Variants in RFX7 observed in about 807,000 individuals in gnomAD.
RFX7 encodes regulatory factor X7.
Under a neutral mutation model 111.8 loss-of-function variants are expected in RFX7, and 26 were observed. The observed-to-expected ratio is 0.23, with a 90% CI of 0.17 to 0.32. The LOEUF is 0.32. Ranked by LOEUF, RFX7 falls within the 10% of genes least tolerant of loss-of-function variation. The pLI is 1.00. For synonymous variants in RFX7, 624 were observed against 624.4 expected (o/e 1.00, Z 0.01); for missense variants, 1,573 against 1,772.9 (o/e 0.89, Z 2.02).
chr15:56,087,596 A>G lies in RFX7; in HGVS notation c.*5749T>C. The G allele has an allele frequency of 2.2e-6, 1 of 456,078 alleles. No individual in the cohort carries two copies. The highest frequency in any genetic ancestry group is 7.0e-5 in the East Asian group (1 of 14,388). 28.3% of individuals were successfully genotyped at this position (456,078 alleles called of 1,614,324 possible). ...CCACTTAACTGCAAGGGAAGTTGGC[A>G]GATGCAGCCTTTTGGTCAGATGGCT... is the stretch of plus-strand genomic sequence containing the variant. On this transcript the variant is annotated 3_prime_UTR_variant, in exon 10 of 10. Transcript: ENST00000559447.
rs1320559098 is a variant in RFX7, at chr15:56,094,513, A to C, written c.3215T>G (p.Val1072Gly). 1 of 1,613,532 alleles carries C rather than the reference A, an allele frequency of 6.2e-7. No individual in the cohort carries two copies. Among genetic ancestry groups the C allele is most frequent in the Admixed American group, 1.7e-5 (1 of 59,966 alleles). ...ATGGCCAGAAACTGATGAATTACCA[A>C]CCCCACTATACCCATTATTCATCCA... ...LEWMNNGYSG[V>G]GNSSVSGHGI... Residue 1072 changes from valine to glycine, a missense_variant, in exon 10 of 10, where the codon GTT (valine) becomes GGT (glycine). This residue lies in a region of RFX7 where 411 missense variants were observed against 478.1 expected (regional missense o/e 0.86). Coordinates refer to ENST00000559447, the MANE Select transcript of RFX7 (RefSeq NM_022841.7).
intron 2 of RFX7, among the ~76,000 whole-genome samples, chr15:56,181,167 T>A (rs2042967585): frequency 6.6e-6 from 1 of 152,246 alleles, no homozygotes; most frequent in African/African-American, 2.4e-5. Flanking sequence ...AATCTCATAC[T>A]AGTCTATTCT....
At chr15:56,109,976 C>T (rs1330094676) in intron 5 of RFX7, among the ~76,000 whole-genome samples, 4 of 140,966 alleles carry the variant, frequency 2.8e-5, no homozygotes, top group South Asian at 2.3e-4. Flanking sequence ...GGGGATCAGC[C>T]CCCTGCCCGG....
At chr15:56,212,120 G>C (rs1439924803) in intron 2 of RFX7, among the ~76,000 whole-genome samples, 1 of 152,156 alleles carries the variant, frequency 6.6e-6, no homozygotes, top group Non-Finnish European at 1.5e-5. Flanking sequence ...GTCATCGGTA[G>C]GTGAATGGAT....
In RFX7 at chr15:56,217,654, T is replaced by C. The variant is rs148314378; in HGVS notation, c.161+25471A>G. ...GTTTTAACTTATGAGTCAGTATCCA[T>C]ACAACTTGAGTACTAGTTATGAAGT... On this transcript the variant is annotated intron_variant, in intron 2 of 9. Transcript: ENST00000559447. Among the ~76,000 whole-genome samples, 275 of 152,358 alleles carry C rather than the reference T, an allele frequency of 1.8e-3. 1 individual carries two copies. In the Middle Eastern group the frequency reaches 0.024, roughly 13 times the overall value.
At chr15:56,172,527 G>T (rs2042856358) in intron 3 of RFX7, among the ~76,000 whole-genome samples, 1 of 152,138 alleles carries the variant, frequency 6.6e-6, no homozygotes, top group Admixed American at 6.6e-5. Flanking sequence ...GGCAGAGAGA[G>T]ATCAGCATTC....
chr15:56,233,404 T>C (rs2043589753), intron 2 of RFX7, among the ~76,000 whole-genome samples: 1 of 152,146 alleles, frequency 6.6e-6, no homozygotes, highest in South Asian at 2.1e-4. Context: ...ACCAGGTCCC[T>C]CTCACAACAG....
intron 5 of RFX7, among the ~76,000 whole-genome samples, chr15:56,140,595 G>C (rs2042378834): frequency 6.6e-6 from 1 of 152,164 alleles, no homozygotes; most frequent in African/African-American, 2.4e-5. Flanking sequence ...TCAGGCCGGA[G>C]CTGTTCCTAT....
intron 9 of RFX7, among the ~76,000 whole-genome samples, chr15:56,097,771 A>AAAAAAAAAAAAAAC (rs1567005692): frequency 2.7e-5 from 4 of 149,280 alleles, no homozygotes; most frequent in Non-Finnish European, 6.0e-5. Flanking sequence ...AAAAAAAAAA[A>AAAAAAAAAAAAAAC]TCTTGGCTCA....
chr15:56,231,293 T>C (rs1433408359), intron 2 of RFX7, among the ~76,000 whole-genome samples: 1 of 152,202 alleles, frequency 6.6e-6, no homozygotes, highest in Non-Finnish European at 1.5e-5. Flanking sequence ...TTCATGCTGC[T>C]GTTAAAGACA....
chr15:56,120,269 G>A (rs1461798429), intron 5 of RFX7, among the ~76,000 whole-genome samples: 1 of 152,102 alleles, frequency 6.6e-6, no homozygotes, highest in African/African-American at 2.4e-5. Context: ...ATTGTAAATA[G>A]GATTACTTTC....
chr15:56,162,563 C>A (rs1468338680), intron 3 of RFX7, among the ~76,000 whole-genome samples: 3 of 151,642 alleles, frequency 2.0e-5, no homozygotes, highest in African/African-American at 7.3e-5. Flanking sequence ...TGTTTATAAT[C>A]ATGAAACACA....
chr15:56,140,067 T>C (rs1179392736), intron 5 of RFX7, among the ~76,000 whole-genome samples: 1 of 152,092 alleles, frequency 6.6e-6, no homozygotes, highest in Non-Finnish European at 1.5e-5. Context: ...TGCTGTCTTT[T>C]TGTTTGTCTG....
At chr15:56,159,268 G>A (rs150928485) in intron 3 of RFX7, among the ~76,000 whole-genome samples, 50 of 152,278 alleles carry the variant, frequency 3.3e-4, no homozygotes, top group African/African-American at 9.4e-4. Flanking sequence ...GGTCGCTTCT[G>A]TATCTTAGGT....
Position 56,096,445 on chromosome 15 carries a change from C to T in RFX7, c.1283G>A (p.Arg428His), listed in dbSNP as rs1315506077. Residue 428 changes from arginine (R) to histidine (H), a missense_variant, in exon 10 of 10, where the codon CGT becomes CAT. By Grantham distance (29) the Arg-to-His change is conservative. This residue lies in a region of RFX7 where 288 missense variants were observed against 337.9 expected (regional missense o/e 0.85). Transcript: ENST00000559447. ...TGGTTTGGGTAAGATCTGAGGGTAA[C>T]GGTGCCGGGCAGAACGATCCCCACC... The part of the protein sequence containing the change: ...SPGGDRSARH[R>H]YPQILPKPAN... 9 of 1,613,000 alleles carry T rather than the reference C, an allele frequency of 5.6e-6. No individual in the cohort carries two copies. The highest frequency in any genetic ancestry group is 1.7e-5 in the Admixed American group (1 of 59,860).
intron 2 of RFX7, among the ~76,000 whole-genome samples, chr15:56,229,604 G>C (rs947092888): frequency 1.3e-5 from 2 of 152,160 alleles, no homozygotes; most frequent in African/African-American, 4.8e-5. Context: ...TAGAGAATGA[G>C]AATCTCCCGG....
At chr15:56,162,558 A>G (rs1320954843) in intron 3 of RFX7, among the ~76,000 whole-genome samples, 1 of 152,068 alleles carries the variant, frequency 6.6e-6, no homozygotes, top group Non-Finnish European at 1.5e-5. Context: ...AGCATTGTTT[A>G]TAATCATGAA....
chr15:56,169,937 C>T (rs1316535783), intron 3 of RFX7, among the ~76,000 whole-genome samples: 1 of 151,920 alleles, frequency 6.6e-6, no homozygotes, highest in African/African-American at 2.4e-5. Context: ...AAGTTCTTCC[C>T]TTCTAAAGGA....
intron 5 of RFX7, among the ~76,000 whole-genome samples, chr15:56,136,407 GCTCT>G (rs1389311472): frequency 4.8e-5 from 7 of 146,214 alleles, no homozygotes; most frequent in East Asian, 2.0e-4. Flanking sequence ...TCAGGATTTG[GCTCT>G]CTGTTTGTCT....
Sources: allele counts gnomAD v4.1 joint callset (sites outside exome capture counted in the v4.1 genomes callset), GRCh38; gene constraint gnomAD v4.1.1; regional missense constraint gnomAD v4.1.1; transcripts MANE v1.5; gene names NCBI Gene and HGNC (gene_info 2026-07-23, HGNC 2026-07-21).